Variants in RAMAC observed in about 807,000 individuals in gnomAD.
The protein encoded by RAMAC is RNA guanine-7 methyltransferase activating subunit, also known as RNA guanine-N7 methyltransferase activating subunit.
A neutral mutation model predicts 17.9 loss-of-function variants in RAMAC; 11 were observed. The observed-to-expected ratio is 0.61, with a 90% CI of 0.39 to 1.02. The LOEUF is 1.02. RAMAC is among the 50% of genes least tolerant of loss of function. RAMAC has a pLI of 0.01. For synonymous variants in RAMAC, 27 were observed against 48.4 expected (o/e 0.56, Z 1.84); for missense variants, 109 against 144.0 (o/e 0.76, Z 1.25).
chr15:82,989,034 G>A lies in RAMAC; in HGVS notation c.16G>A (p.Glu6Lys), dbSNP rs201830843. The change falls in exon 3 of 4, where the codon GAA (glutamate) becomes AAA (lysine). Residue 6 changes from glutamate (E) to lysine (K), a missense_variant. Glu to Lys is a moderately conservative substitution (Grantham distance 56). Transcript: ENST00000304191. ...GATTTTCAGAATGACTGACACTGCC[G>A]AAGCTGTTCCAAAGTTTGAAGAGAT... is the stretch of plus-strand genomic sequence containing the variant. MTDTAEAVPKFEEMFA... is the reference protein window; with the variant it reads MTDTAKAVPKFEEMFA... The A allele has an allele frequency of 1.4e-5, 22 of 1,611,662 alleles. No individual in the cohort carries two copies. The Admixed American group carries it at 1.7e-4, about 12-fold the overall frequency.
In RAMAC at chr15:82,988,995, T is replaced by C. The variant is rs745728149; in HGVS notation, c.-9-15T>C. ...TTAAATTTTTTTTAATGGAAATGTC[T>C]TTAAAATTGTACAGATTTTCAGAAT... On this transcript the variant is annotated splice_polypyrimidine_tract_variant and intron_variant, in intron 2 of 3. Coordinates refer to ENST00000304191, the MANE Select transcript of RAMAC (RefSeq NM_031452.4). 8.9e-6 allele frequency: 14 copies of C among 1,579,140 alleles called. No individual in the cohort carries two copies. In the East Asian group the frequency reaches 3.2e-4, roughly 36 times the overall value.
chr15:82,988,191 G>T (rs1260391806), intron 2 of RAMAC, among the ~76,000 whole-genome samples: 2 of 152,056 alleles, frequency 1.3e-5, no homozygotes, highest in African/African-American at 2.4e-5. Context: ...TTAGCTGGGT[G>T]TGGTGGCGCG....
chr15:82,989,401 GTTTT>G (rs1166539956), intron 3 of RAMAC, among the ~76,000 whole-genome samples: 1 of 152,078 alleles, frequency 6.6e-6, no homozygotes, highest in Admixed American at 6.6e-5. Flanking sequence ...AAGTGCGTGT[GTTTT>G]TTTGTTTTTA....
At chr15:82,988,935 C>T (rs1200732573) in intron 2 of RAMAC, 75 bp from the exon 3 acceptor site, 1 of 1,410,346 alleles carries the variant, frequency 7.1e-7, no homozygotes, top group Non-Finnish European at 9.5e-7. Flanking sequence ...TTGCTTACTT[C>T]TTGGTTTTTC....
intron 2 of RAMAC, among the ~76,000 whole-genome samples, chr15:82,988,164 T>C (rs2030704759): frequency 6.6e-6 from 1 of 151,526 alleles, no homozygotes; most frequent in South Asian, 2.1e-4. Context: ...ACCCCATCTC[T>C]ACTAAAAATG....
intron 2 of RAMAC, 158 bp from the exon 3 acceptor site, chr15:82,988,852 T>C: frequency 1.6e-6 from 1 of 627,010 alleles, no homozygotes; most frequent in Non-Finnish European, 2.6e-6. Flanking sequence ...AAAAAAAAAA[T>C]GTTGAATTCA....
At chr15:82,988,110 GCGGATTATGA>G (rs2030701620) in intron 2 of RAMAC, among the ~76,000 whole-genome samples, 1 of 151,562 alleles carries the variant, frequency 6.6e-6, no homozygotes, top group Non-Finnish European at 1.5e-5. Flanking sequence ...GCCAAAGCGG[GCGGATTATGA>G]GGTCAGGAGT....
At chr15:82,989,590 A>G (rs1412241180) in intron 3 of RAMAC, among the ~76,000 whole-genome samples, 1 of 152,212 alleles carries the variant, frequency 6.6e-6, no homozygotes, top group Non-Finnish European at 1.5e-5. Context: ...GGAATAAATT[A>G]CCATACCATT....
chr15:82,986,291 C>G lies in RAMAC; in HGVS notation c.-137C>G, dbSNP rs532889813. ...TCTGGAGTTCCACGGTGTAGTGGAC[C>G]AGAGGCCACCTCTCCTGGGCTTCTC... On this transcript the variant is annotated 5_prime_UTR_variant, in exon 1 of 4. Coordinates refer to ENST00000304191, the MANE Select transcript of RAMAC (RefSeq NM_031452.4). The G allele has an allele frequency of 5.5e-4, 88 of 159,012 alleles. 1 individual carries two copies. Among genetic ancestry groups the G allele is most frequent in the Non-Finnish European group, 7.3e-4 (54 of 74,274 alleles). The allele number at this position is 159,012 out of a possible 1,614,324, so 9.9% of individuals were successfully genotyped here. A position where few individuals can be genotyped will look rare whatever the true frequency, so the allele number is the denominator to read the frequency against.
In RAMAC at chr15:82,986,330, C is replaced by G. The variant is rs112694444; in HGVS notation, c.-98C>G. 7,184 of 153,910 alleles carry G rather than the reference C, an allele frequency of 0.047. 236 individuals carry two copies. The highest frequency in any genetic ancestry group is 0.071 in the Non-Finnish European group (4,931 of 69,532). The allele number at this position is 153,910 out of a possible 1,614,324, so 9.5% of individuals were successfully genotyped here. A position where few individuals can be genotyped will look rare whatever the true frequency, so the allele number is the denominator to read the frequency against. The stretch of plus-strand genomic sequence containing the variant: ...CCTGGGCTTCTCAGTGTCTCGCCGG[C>G]GGGGTTCGGCCTGAGCTGGATTGAC... On this transcript the variant is annotated 5_prime_UTR_variant, in exon 1 of 4. Coordinates refer to ENST00000304191, the MANE Select transcript of RAMAC (RefSeq NM_031452.4).
At position 82,990,931 on chromosome 15, in the gene RAMAC, T is replaced by C. The variant is rs1301698278; in HGVS notation, c.*864T>C. The C allele has an allele frequency of 6.3e-6, 2 of 316,756 alleles. No homozygotes were observed. Among genetic ancestry groups the C allele is most frequent in the African/African-American group, 4.2e-5 (2 of 47,600 alleles). The allele number at this position is 316,756 out of a possible 1,614,324, so 19.6% of individuals were successfully genotyped here. A position where few individuals can be genotyped will look rare whatever the true frequency, so the allele number is the denominator to read the frequency against. On this transcript the variant is annotated 3_prime_UTR_variant, in exon 4 of 4. Transcript: ENST00000304191. The stretch of plus-strand genomic sequence containing the variant: ...AGATGCATACCTCTGCTGCTTTCTC[T>C]CCTATAAATAGTGATGCTATAAACT...
rs137975089 is a variant in RAMAC at position 82,988,431 on chromosome 15, C to T, written c.-9-579C>T. On this transcript the variant is annotated intron_variant, in intron 2 of 3. Transcript: ENST00000304191. ...GTTAAAGTAGGTAGTATAAATGTTA[C>T]AAATATTTGCATATGTTTGGAGGAA... is the stretch of plus-strand genomic sequence containing the variant. 628 of 179,186 alleles carry T rather than the reference C, an allele frequency of 3.5e-3. 3 individuals are homozygous for T. Among genetic ancestry groups the T allele is most frequent in the African/African-American group, 0.01 (423 of 41,660 alleles). The allele number at this position is 179,186 out of a possible 1,614,324, so 11.1% of individuals were successfully genotyped here.
intron 1 of RAMAC, among the ~76,000 whole-genome samples, chr15:82,986,776 C>T (rs2030630274): frequency 6.6e-6 from 1 of 152,060 alleles, no homozygotes; most frequent in Non-Finnish European, 1.5e-5. Flanking sequence ...AAAGGCTTAC[C>T]CTAAAAGAAC....
intron 2 of RAMAC, chr15:82,988,634 T>C: frequency 2.5e-6 from 1 of 407,214 alleles, no homozygotes; most frequent in Non-Finnish European, 4.9e-6. Flanking sequence ...GCCCAAGACT[T>C]CCAGCCTAGG....
chr15:82,990,774 A>G lies in RAMAC; in HGVS notation c.*707A>G, dbSNP rs974249996. 2.6e-5 allele frequency: 20 copies of G among 774,224 alleles called. No homozygotes were observed. The highest frequency in any genetic ancestry group is 4.1e-5 in the Non-Finnish European group (19 of 461,982). The allele number at this position is 774,224 out of a possible 1,614,324, so 48.0% of individuals were successfully genotyped here. A position where few individuals can be genotyped will look rare whatever the true frequency, so the allele number is the denominator to read the frequency against. On this transcript the variant is annotated 3_prime_UTR_variant, in exon 4 of 4. Transcript: ENST00000304191. ...TTTTTGCTAACAACATAGCAGGTCA[A>G]AATTCACACATAAGAAAGTTTAACT...
intron 2 of RAMAC, among the ~76,000 whole-genome samples, chr15:82,987,928 G>A (rs1366497264): frequency 1.3e-5 from 2 of 151,676 alleles, no homozygotes; most frequent in Non-Finnish European, 2.9e-5. Context: ...CCAGCTATTC[G>A]GGAGGCAGAG....
intron 2 of RAMAC, among the ~76,000 whole-genome samples, chr15:82,987,735 T>C (rs916525830): frequency 1.3e-5 from 2 of 152,232 alleles, no homozygotes; most frequent in South Asian, 4.2e-4. Flanking sequence ...CTAAGAGCAA[T>C]AGCCTGAAAG....
intron 2 of RAMAC, chr15:82,988,534 A>G: frequency 8.5e-6 from 2 of 236,580 alleles, no homozygotes; most frequent in South Asian, 7.5e-5. Context: ...TTGGAAGTTA[A>G]TAAAGTAAGA....
At chr15:82,988,219 A>G (rs894603233) in intron 2 of RAMAC, among the ~76,000 whole-genome samples, 1 of 151,678 alleles carries the variant, frequency 6.6e-6, no homozygotes, top group African/African-American at 2.4e-5. Context: ...AATCCCAGCT[A>G]CTTGGGAGGC....
Sources: gnomAD v4.1 joint callset for allele counts (sites outside exome capture counted in the v4.1 genomes callset) on GRCh38, gnomAD v4.1.1 for gene constraint, MANE v1.5 for transcripts, NCBI Gene and HGNC (gene_info 2026-07-23, HGNC 2026-07-21) for gene names.